DAAM2: variants seen among roughly 807,000 people sequenced by gnomAD.
DAAM2 encodes dishevelled associated activator of morphogenesis 2, also known as disheveled-associated activator of morphogenesis 2.
In DAAM2, 39 loss-of-function variants were observed where a neutral mutation model predicts 120.7. The observed-to-expected ratio is 0.32, with a 90% confidence interval of 0.25 to 0.42. The LOEUF (loss-of-function observed/expected upper bound fraction) is 0.42, where lower values mean the gene tolerates loss of function less well. Among genes scored for constraint, DAAM2 ranks in the 10% least tolerant of loss-of-function variants. The pLI, the probability that DAAM2 is intolerant of heterozygous loss-of-function variation, is 1.00. For missense variants in DAAM2, 1,283 were observed against 1,401.7 expected (o/e 0.92, Z 1.35); for synonymous variants, 488 against 524.9 (o/e 0.93, Z 0.96).
At chr6:39,875,559 C>A in intron 11 of DAAM2, 91 bp downstream of exon 11, 2 of 1,464,044 alleles carry the variant, frequency 1.4e-6, no homozygotes, top group Non-Finnish European at 9.3e-7. Context: ...AGCTCCCTTT[C>A]GCAACCCAGT....
Position 39,901,390 on chromosome 6 carries a change from C to A in DAAM2, c.2900C>A (p.Ala967Asp), listed in dbSNP as rs1766470198. 1 of 1,613,714 alleles carries A rather than the reference C, an allele frequency of 6.2e-7. No individual in the cohort carries two copies. Among genetic ancestry groups the A allele is most frequent in the African/African-American group, 1.3e-5 (1 of 74,872 alleles). The change falls in exon 24 of 25, where the codon GCC becomes GAC. Residue 967 changes from alanine to aspartate, a missense_variant. Ala to Asp is a moderately radical substitution (Grantham distance 126, BLOSUM62 -2). Coordinates refer to ENST00000274867, the MANE Select transcript of DAAM2 (RefSeq NM_001201427.2). This position sits in a 1 kb window ranked among gnomAD's most constrained non-coding sequence, Gnocchi z 4.5. The part of the protein sequence containing the change: ...FFGIFDTFLQ[A>D]FSEARQDLEA... ...GGCATCTTTGATACCTTCTTGCAGG[C>A]CTTCTCAGAGGCCCGGCAGGATCTA... is the stretch of plus-strand genomic sequence containing the variant.
In DAAM2 at chr6:39,898,930, T is replaced by C. The variant is rs1262053295; in HGVS notation, c.2672T>C (p.Val891Ala). 6.2e-6 allele frequency: 10 copies of C among 1,611,054 alleles called. No individual in the cohort carries two copies. The highest frequency in any genetic ancestry group is 8.5e-6 in the Non-Finnish European group (10 of 1,178,792). Residue 891 changes from valine (V) to alanine (A), a missense_variant, in exon 22 of 25, where the codon GTG becomes GCG. Val to Ala is a moderately conservative substitution (Grantham distance 64). This residue lies in a region of DAAM2 where 748 missense variants were observed against 768.6 expected (regional missense o/e 0.97). Coordinates refer to ENST00000274867, the MANE Select transcript of DAAM2 (RefSeq NM_001201427.2). ...VGNLRRGLRA[V>A]EVELEYQRRQ... The stretch of plus-strand genomic sequence containing the variant: ...AACCTCAGGAGGGGCCTGAGAGCGG[T>C]GGAGGTGGTGAGTACCTTGTCAGTG...
intron 1 of DAAM2, among the ~76,000 whole-genome samples, chr6:39,795,611 A>G (rs1582581451): frequency 6.6e-6 from 1 of 152,084 alleles, no homozygotes; most frequent in African/African-American, 2.4e-5. Flanking sequence ...CTGTATTTTT[A>G]TTTTTCAGTT....
In DAAM2 at chr6:39,856,311, C is replaced by A. The variant is rs185320536; in HGVS notation, c.9C>A (p.Pro3=). Residue 3 remains proline (P), a synonymous_variant, in exon 2 of 25, where the codon CCC becomes CCA. Coordinates refer to ENST00000274867, the MANE Select transcript of DAAM2 (RefSeq NM_001201427.2). ...CCTGGCCTGCAGTGACCATGGCCCC[C>A]CGCAAGAGGAGCCACCATGGCCTGG... MA[P]RKRSHHGLGF... is the part of the protein sequence containing the mutation. 1.3e-6 allele frequency: 2 copies of A among 1,534,888 alleles called. No individual in the cohort carries two copies. The highest frequency in any genetic ancestry group is 5.0e-5 in the East Asian group (2 of 39,764).
intron 14 of DAAM2, 115 bp downstream of exon 14, chr6:39,879,592 G>C: frequency 7.1e-7 from 1 of 1,399,396 alleles, no homozygotes; most frequent in Non-Finnish European, 1.0e-6. Context: ...CTTTGGTGGG[G>C]GGTAAGGGCA....
chr6:39,822,918 C>T (rs980148561), intron 1 of DAAM2: 2 of 152,214 alleles, frequency 1.3e-5, no homozygotes, highest in Non-Finnish European at 1.5e-5. Flanking sequence ...CCCCAGAGAC[C>T]CCTGGGAACA....
rs374390550 is a variant in DAAM2 at position 39,867,565 on chromosome 6, C to T, written c.484C>T (p.Arg162Trp). ...EGLTCLLNFL[R>W]SMDHATCESR... Reference sequence around the variant, plus strand: ...CTTGACCTGTCTGCTAAATTTCCTCCGGAGCATGGACCACGCCACCTGTGA... The same window carrying T: ...CTTGACCTGTCTGCTAAATTTCCTCTGGAGCATGGACCACGCCACCTGTGA... Residue 162 changes from arginine (R) to tryptophan (W), a missense_variant, in exon 6 of 25, where the codon CGG (arginine) becomes TGG (tryptophan). Around this residue, in one of 3 missense-constraint regions of DAAM2, gnomAD observed 338 missense variants for 443.9 expected, o/e 0.76. Coordinates refer to ENST00000274867, the MANE Select transcript of DAAM2 (RefSeq NM_001201427.2). 2.1e-5 allele frequency: 34 copies of T among 1,613,894 alleles called. No homozygotes were observed. Among genetic ancestry groups the T allele is most frequent in the South Asian group, 9.9e-5 (9 of 91,088 alleles).
At chr6:39,817,186 G>T (rs1045274676) in intron 1 of DAAM2, among the ~76,000 whole-genome samples, 3 of 152,208 alleles carry the variant, frequency 2.0e-5, no homozygotes, top group African/African-American at 7.2e-5. Flanking sequence ...GCTGGAGGAA[G>T]GGCCATGTGC....
intron 1 of DAAM2, among the ~76,000 whole-genome samples, chr6:39,834,512 C>G (rs1388999184): frequency 6.6e-6 from 1 of 152,134 alleles, no homozygotes; most frequent in East Asian, 1.9e-4. Context: ...AAAGCCCTGC[C>G]CTTTTCTGTC....
At chr6:39,843,791 G>C (rs9471186) in intron 1 of DAAM2, among the ~76,000 whole-genome samples, 88,227 of 151,918 alleles carry the variant, frequency 0.58, 27,174 homozygotes, top group African/African-American at 0.8. Flanking sequence ...TACAGGGTTT[G>C]GTCATGCAAG....
Position 39,888,690 on chromosome 6 carries a change from C to G in DAAM2, c.2072C>G (p.Ser691Cys). Reference sequence around the variant, plus strand: ...GGGTTTTGCCTTAGGTTGAAGCTTTCTAACGAGGAGATCCGGCAGGCCATC... The same window carrying G: ...GGGTTTTGCCTTAGGTTGAAGCTTTGTAACGAGGAGATCCGGCAGGCCATC... The part of the protein sequence containing the change: ...CIILLSKLKL[S>C]NEEIRQAILK... The change falls in exon 17 of 25, where the codon TCT (serine) becomes TGT (cysteine). Residue 691 changes from serine to cysteine, a missense_variant. Coordinates refer to ENST00000274867, the MANE Select transcript of DAAM2 (RefSeq NM_001201427.2). 3 of 1,613,360 alleles carry G rather than the reference C, an allele frequency of 1.9e-6. No homozygotes were observed. The African/African-American group carries it at 4.0e-5, about 22-fold the overall frequency.
At chr6:39,843,113 A>C (rs747729204) in intron 1 of DAAM2, among the ~76,000 whole-genome samples, 1 of 152,180 alleles carries the variant, frequency 6.6e-6, no homozygotes, top group Non-Finnish European at 1.5e-5. Flanking sequence ...TTTTAAATTG[A>C]CAGATAACAG....
At chr6:39,823,377 A>T (rs929574912) in intron 1 of DAAM2, 6 of 152,260 alleles carry the variant, frequency 3.9e-5, no homozygotes, top group Admixed American at 1.3e-4. Flanking sequence ...GAATCTTCCA[A>T]CCTGCTGGTC....
intron 1 of DAAM2, among the ~76,000 whole-genome samples, chr6:39,834,879 G>A (rs1218783714): frequency 2.6e-5 from 4 of 152,108 alleles, no homozygotes; most frequent in African/African-American, 9.7e-5. Context: ...TCAAGCCAAC[G>A]CACGGGCTCA....
chr6:39,875,634 A>G lies in DAAM2; in HGVS notation c.1301+166A>G, dbSNP rs58801926. Reference sequence around the variant, plus strand: ...CTCTCTAAGCTAATGAAAAAAGTGCATTTCTCTACTGTTCAACATGGCAGC... The same window carrying G: ...CTCTCTAAGCTAATGAAAAAAGTGCGTTTCTCTACTGTTCAACATGGCAGC... On this transcript the variant is annotated intron_variant, in intron 11 of 24. Transcript: ENST00000274867. Among the ~76,000 whole-genome samples the G allele has an allele frequency of 0.021, 3,171 of 152,260 alleles. 119 individuals carry two copies. Among genetic ancestry groups the G allele is most frequent in the African/African-American group, 0.071 (2,948 of 41,524 alleles).
Position 39,891,354 on chromosome 6 carries a change from T to C in DAAM2, c.2159T>C (p.Ile720Thr), listed in dbSNP as rs933451107. The C allele has an allele frequency of 1.9e-6, 3 of 1,608,588 alleles. No individual in the cohort carries two copies. The highest frequency in any genetic ancestry group is 1.7e-5 in the Admixed American group (1 of 59,408). The change falls in exon 18 of 25, where the codon ATC becomes ACC. Residue 720 changes from isoleucine (I) to threonine (T), a missense_variant. Transcript: ENST00000274867. Reference sequence around the variant, plus strand: ...TGCTCTTTGCAGCTCCTCAAGTTCATCCCAGAGAAGAGTGACATTGACCTC... The same window carrying C: ...TGCTCTTTGCAGCTCCTCAAGTTCACCCCAGAGAAGAGTGACATTGACCTC... ...KDMLEQLLKF[I>T]PEKSDIDLLE...
intron 1 of DAAM2, among the ~76,000 whole-genome samples, chr6:39,842,073 T>C (rs1763361183): frequency 6.6e-6 from 1 of 152,214 alleles, no homozygotes; most frequent in Admixed American, 6.5e-5. Flanking sequence ...TGAGGGTCAC[T>C]TGAGAAACCT....
At chr6:39,811,773 G>C (rs1039794497) in intron 1 of DAAM2, among the ~76,000 whole-genome samples, 2 of 152,140 alleles carry the variant, frequency 1.3e-5, no homozygotes, top group Non-Finnish European at 2.9e-5. Context: ...GGATGTTGGC[G>C]GGGGGATCTG....
intron 5 of DAAM2, among the ~76,000 whole-genome samples, chr6:39,866,595 T>C (rs1258708387): frequency 1.3e-5 from 2 of 152,212 alleles, no homozygotes; most frequent in East Asian, 3.8e-4. Context: ...AGAAATGATG[T>C]TTTAAATAAT....
Sources: gnomAD v4.1 joint callset for allele counts (sites outside exome capture counted in the v4.1 genomes callset) on GRCh38, gnomAD v4.1.1 for gene constraint, gnomAD v4.1.1 regional missense constraint, Gnocchi (gnomAD v3.1) non-coding constraint, MANE v1.5 for transcripts, NCBI Gene and HGNC (gene_info 2026-07-23, HGNC 2026-07-21) for gene names.